The following PAX7 variants were observed in gnomAD, a reference collection of about 807,000 sequenced individuals.
The protein encoded by PAX7 is paired box 7.
A neutral mutation model predicts 50.7 loss-of-function variants in PAX7; 18 were observed. That is an observed-to-expected ratio of 0.36 (90% CI 0.25 to 0.53). PAX7 has a LOEUF of 0.53. Among genes scored for constraint, PAX7 ranks in the 20% least tolerant of loss-of-function variants. The probability of loss-of-function intolerance (pLI) is 0.93; values close to 1 mark genes in which losing one functional copy is unlikely to be tolerated. For synonymous variants in PAX7, 310 were observed against 290.4 expected (o/e 1.07, Z -0.69); for missense variants, 644 against 702.9 (o/e 0.92, Z 0.95).
chr1:18,686,905 T>A (rs1314985354), intron 4 of PAX7, among the ~76,000 whole-genome samples: 2 of 150,780 alleles, frequency 1.3e-5, no homozygotes, highest in Non-Finnish European at 3.0e-5. Flanking sequence ...TATTATTATT[T>A]TTTGAGACAG....
At chr1:18,717,986 C>G (rs183645396) in intron 7 of PAX7, among the ~76,000 whole-genome samples, 1 of 152,180 alleles carries the variant, frequency 6.6e-6, no homozygotes, top group Non-Finnish European at 1.5e-5. Flanking sequence ...CCTAGAGCCC[C>G]GACTCTGCTG....
At position 18,703,098 on chromosome 1, in the gene PAX7, G is replaced by A. The variant is rs1416294599; in HGVS notation, c.957G>A (p.Gly319=). The change falls in exon 7 of 9, where the codon GGG becomes GGA. Residue 319 remains glycine, a synonymous_variant. Transcript: ENST00000420770. ...TYPTTTISQD[G]GSTVHRPQPL... Reference sequence around the variant, plus strand: ...CTCTCTTGGGTCTCTCTACAGATGGGGGCAGCACTGTGCACCGGCCTCAGC... The same window carrying A: ...CTCTCTTGGGTCTCTCTACAGATGGAGGCAGCACTGTGCACCGGCCTCAGC... 5 of 1,613,416 alleles carry A rather than the reference G, an allele frequency of 3.1e-6. No homozygotes were observed. Among genetic ancestry groups the A allele is most frequent in the South Asian group, 1.1e-5 (1 of 91,024 alleles).
intron 4 of PAX7, among the ~76,000 whole-genome samples, chr1:18,678,099 AAAAGAAAAGAAAG>A (rs1311427690): frequency 6.6e-6 from 1 of 150,522 alleles, no homozygotes; most frequent in East Asian, 2.0e-4. Flanking sequence ...AAAAAAAAGA[AAAAGAAAAGAAAG>A]AAAGAAAAGA....
chr1:18,705,734 G>T (rs546753284), intron 7 of PAX7, among the ~76,000 whole-genome samples: 1 of 152,190 alleles, frequency 6.6e-6, no homozygotes, highest in Admixed American at 6.5e-5. Context: ...TTCAGGGTTG[G>T]ATGACGTGTT....
In PAX7 at chr1:18,744,825, T is replaced by C. The variant is rs1257497335; in HGVS notation, c.1414T>C (p.Tyr472His). Residue 472 changes from tyrosine to histidine, a missense_variant, in exon 9 of 9, where the codon TAT becomes CAT. Transcript: ENST00000420770. The stretch of plus-strand genomic sequence containing the variant: ...CTTCTTTTTTCCAGCTGCTGTTGAT[T>C]ATCTGGCCAAAAATGTGAGCCTCTC... ...YGQYGQTAVD[Y>H]LAKNVSLSTQ... is the part of the protein sequence containing the mutation. 3 of 1,553,012 alleles carry C rather than the reference T, an allele frequency of 1.9e-6. No homozygotes were observed. The highest frequency in any genetic ancestry group is 2.6e-6 in the Non-Finnish European group (3 of 1,147,360).
Position 18,631,383 on chromosome 1 carries a change from C to T in PAX7, c.-221C>T, listed in dbSNP as rs541969447. The T allele has an allele frequency of 9.3e-4, 518 of 555,700 alleles. 3 individuals are homozygous for T. Among genetic ancestry groups the T allele is most frequent in the African/African-American group, 8.0e-3 (425 of 53,168 alleles). 34.4% of individuals were successfully genotyped at this position (555,700 alleles called of 1,614,324 possible). On this transcript the variant is annotated 5_prime_UTR_variant, in exon 1 of 9. Transcript: ENST00000420770. The stretch of plus-strand genomic sequence containing the variant: ...CTCGTCGTCGCCACCTTCCCTCCCC[C>T]CAACCTCCACCCCACCTCACCCCCC...
intron 4 of PAX7, among the ~76,000 whole-genome samples, chr1:18,672,598 T>G (rs918643298): frequency 2.8e-5 from 4 of 143,836 alleles, no homozygotes; most frequent in Non-Finnish European, 6.0e-5. Context: ...AGCACTGTGT[T>G]TTTTTTTTTT....
chr1:18,669,200 A>G (rs1157322107), intron 4 of PAX7, among the ~76,000 whole-genome samples: 3 of 152,202 alleles, frequency 2.0e-5, no homozygotes, highest in Non-Finnish European at 4.4e-5. Flanking sequence ...TCAGAGAGGC[A>G]GAGTGAGCAG....
rs749961238 is a variant in PAX7, at chr1:18,634,586, G to A, written c.321+48G>A. The A allele has an allele frequency of 1.9e-5, 29 of 1,546,734 alleles. No homozygotes were observed. The highest frequency in any genetic ancestry group is 1.2e-4 in the Admixed American group (7 of 59,020). On this transcript the variant is annotated intron_variant, in intron 2 of 8. Coordinates refer to ENST00000420770, the MANE Select transcript of PAX7 (RefSeq NM_001135254.2). This position sits in a 1 kb window ranked among gnomAD's most constrained non-coding sequence, Gnocchi z 4.0. ...CTGGCAGCTGGCTTCCTATAGTCGG[G>A]GGCTCCTGGTTGTGGCCCCTCTTAC...
At chr1:18,718,863 A>G (rs1279081195) in intron 7 of PAX7, among the ~76,000 whole-genome samples, 1 of 151,524 alleles carries the variant, frequency 6.6e-6, no homozygotes, top group Non-Finnish European at 1.5e-5. Flanking sequence ...GCTGGTCTCA[A>G]ACTCCTGACC....
At chr1:18,728,482 C>T (rs1011505823) in intron 7 of PAX7, among the ~76,000 whole-genome samples, 1 of 151,876 alleles carries the variant, frequency 6.6e-6, no homozygotes, top group Non-Finnish European at 1.5e-5. Context: ...CATGGTATTA[C>T]GCGTGTGTAG....
chr1:18,631,168 C>G lies in PAX7; in HGVS notation c.-436C>G, dbSNP rs994055915. ...ACTTTGGCCCCGAGCGCCAGAGCGC[C>G]AGAGCGCGAGAGCGCGGCGCTCGCC... is the stretch of plus-strand genomic sequence containing the variant. On this transcript the variant is annotated 5_prime_UTR_variant, in exon 1 of 9. Transcript: ENST00000420770. The G allele has an allele frequency of 3.8e-5, 9 of 236,914 alleles. No individual in the cohort carries two copies. In the Admixed American group the frequency reaches 4.4e-4, roughly 12 times the overall value. 14.7% of individuals were successfully genotyped at this position (236,914 alleles called of 1,614,324 possible). A position where few individuals can be genotyped will look rare whatever the true frequency, so the allele number is the denominator to read the frequency against.
chr1:18,631,791 C>A, intron 1 of PAX7, 103 bp downstream of exon 1: 2 of 917,826 alleles, frequency 2.2e-6, no homozygotes, highest in Non-Finnish European at 3.5e-6. Context: ...CCGGCGATAG[C>A]AGAGGGATCC....
At chr1:18,651,829 C>CG (rs1557510089) in intron 4 of PAX7, among the ~76,000 whole-genome samples, 1 of 145,214 alleles carries the variant, frequency 6.9e-6, no homozygotes, top group African/African-American at 2.7e-5. Flanking sequence ...CCGCCCCCCC[C>CG]ACCCCACCGC....
At chr1:18,698,215 A>T (rs954883374) in intron 5 of PAX7, among the ~76,000 whole-genome samples, 23 of 151,702 alleles carry the variant, frequency 1.5e-4, no homozygotes, top group African/African-American at 5.6e-4. Flanking sequence ...CAACGAAATC[A>T]AGTGTTTTAA....
rs183307142 is a variant in PAX7 at position 18,651,360 on chromosome 1, T to G, written c.586+14989T>G. The stretch of plus-strand genomic sequence containing the variant: ...ATATTTTTATAGGTTTTTGAAAGAT[T>G]TATTGCAAAAGTAATATGTACTTGT... On this transcript the variant is annotated intron_variant, in intron 4 of 8. Transcript: ENST00000420770. Among the ~76,000 whole-genome samples the G allele has an allele frequency of 3.3e-5, 5 of 152,300 alleles. No individual in the cohort carries two copies. The East Asian group carries it at 9.6e-4, about 29-fold the overall frequency.
intron 7 of PAX7, among the ~76,000 whole-genome samples, chr1:18,704,703 T>TA (rs35813876): frequency 0.11 from 16,756 of 147,136 alleles, 1,105 homozygotes; most frequent in East Asian, 0.32. Flanking sequence ...TACAGTAAAT[T>TA]AAAAAAAAAA....
rs1030744785 is a variant in PAX7, at chr1:18,748,586, T to C, written c.*3657T>C. 1.7e-5 allele frequency: 4 copies of C among 231,738 alleles called. No homozygotes were observed. The highest frequency in any genetic ancestry group is 8.8e-5 in the African/African-American group (4 of 45,252). The allele number at this position is 231,738 out of a possible 1,614,324, so 14.4% of individuals were successfully genotyped here. On this transcript the variant is annotated 3_prime_UTR_variant, in exon 9 of 9. Coordinates refer to ENST00000420770, the MANE Select transcript of PAX7 (RefSeq NM_001135254.2). ...TTTACATAGTACTCTAGATCATTCCTTCTTCCTAGTAACTGCAACTTTGTT... is the reference window on the plus strand; with the variant it reads ...TTTACATAGTACTCTAGATCATTCCCTCTTCCTAGTAACTGCAACTTTGTT...
rs1424683592 is a variant in PAX7, at chr1:18,746,088, G to A, written c.*1159G>A. On this transcript the variant is annotated 3_prime_UTR_variant, in exon 9 of 9. Coordinates refer to ENST00000420770, the MANE Select transcript of PAX7 (RefSeq NM_001135254.2). ...CTTTCAGTTTGTGGGGATGCAGAGA[G>A]CTACCCTCAGAGCTTTGGAGGAGGG... 1 of 231,788 alleles carries A rather than the reference G, an allele frequency of 4.3e-6. No individual in the cohort carries two copies. Among genetic ancestry groups the A allele is most frequent in the Non-Finnish European group, 8.5e-6 (1 of 117,240 alleles). 14.4% of individuals were successfully genotyped at this position (231,788 alleles called of 1,614,324 possible).
Sources: allele counts gnomAD v4.1 joint callset (sites outside exome capture counted in the v4.1 genomes callset), GRCh38; gene constraint gnomAD v4.1.1; non-coding constraint Gnocchi (gnomAD v3.1); transcripts MANE v1.5; gene names NCBI Gene and HGNC (gene_info 2026-07-23, HGNC 2026-07-21).